GRM7: variants seen among roughly 807,000 people sequenced by gnomAD.
The protein encoded by GRM7 is metabotropic glutamate receptor 7.
GRM7 carries 35 observed loss-of-function variants against 84.5 expected under a neutral mutation model. That is an observed-to-expected ratio of 0.41 (90% CI 0.32 to 0.55). The LOEUF is 0.55. Among genes scored for constraint, GRM7 ranks in the 20% least tolerant of loss-of-function variants. The pLI, the probability that GRM7 is intolerant of heterozygous loss-of-function variation, is 0.19. For missense variants in GRM7, 1,003 were observed against 1,194.6 expected (o/e 0.84, Z 2.36); for synonymous variants, 487 against 455.1 (o/e 1.07, Z -0.89).
chr3:7,670,740 T>A (rs1699887404), intron 8 of GRM7, among the ~76,000 whole-genome samples: 1 of 151,970 alleles, frequency 6.6e-6, no homozygotes, highest in Non-Finnish European at 1.5e-5. Context: ...AACTACTGGG[T>A]GACTTGTAAA....
chr3:6,877,508 A>T (rs1260627030), intron 1 of GRM7, among the ~76,000 whole-genome samples: 1 of 152,166 alleles, frequency 6.6e-6, no homozygotes, highest in Non-Finnish European at 1.5e-5. Context: ...CTGCTTTTAC[A>T]TGCCAAGCAA....
intron 2 of GRM7, among the ~76,000 whole-genome samples, chr3:7,215,153 G>A (rs532567082): frequency 2.1e-4 from 32 of 152,248 alleles, no homozygotes; most frequent in African/African-American, 7.0e-4. Context: ...TTCCCTAAAC[G>A]TTATCCCCTG....
At chr3:7,109,949 G>A (rs1370006311) in intron 1 of GRM7, among the ~76,000 whole-genome samples, 1 of 151,466 alleles carries the variant, frequency 6.6e-6, no homozygotes, top group Non-Finnish European at 1.5e-5. Flanking sequence ...AATTAAATAT[G>A]TTTAGCTTCC....
rs145972446 is a variant in GRM7 at position 7,593,378 on chromosome 3, A to T, written c.2451+14021A>T. Among the ~76,000 whole-genome samples, 440 of 152,308 alleles carry T rather than the reference A, an allele frequency of 2.9e-3. 13 individuals carry two copies. Among genetic ancestry groups the T allele is most frequent in the Non-Finnish European group, 6.8e-4 (46 of 68,040 alleles). ...GCCACCATGTGCCAGGTACATATTT[A>T]GGTGCCAGGGATGGAAAGGGGAACA... On this transcript the variant is annotated intron_variant, in intron 8 of 9. Coordinates refer to ENST00000357716, the MANE Select transcript of GRM7 (RefSeq NM_000844.4).
intron 4 of GRM7, among the ~76,000 whole-genome samples, chr3:7,362,629 C>T (rs1316872728): frequency 1.3e-5 from 2 of 152,018 alleles, no homozygotes; most frequent in African/African-American, 4.8e-5. Flanking sequence ...AACAACTGCT[C>T]TTTAGCTGTA....
chr3:6,883,246 T>C (rs571841572), intron 1 of GRM7, among the ~76,000 whole-genome samples: 98 of 152,262 alleles, frequency 6.4e-4, no homozygotes, highest in African/African-American at 1.7e-3. Flanking sequence ...TTTATTCACA[T>C]TGATTTACAA....
At position 7,126,468 on chromosome 3, in the gene GRM7, G is replaced by A. The variant is rs79004438; in HGVS notation, c.520-19984G>A. ...AGTCACATATGACATATGAAACCCC[G>A]AAGGTTTGTCAACTTCCATGGGAGT... On this transcript the variant is annotated intron_variant, in intron 1 of 9. Coordinates refer to ENST00000357716, the MANE Select transcript of GRM7 (RefSeq NM_000844.4). Among the ~76,000 whole-genome samples, 92 of 152,232 alleles carry A rather than the reference G, an allele frequency of 6.0e-4. No homozygotes were observed. In the East Asian group the frequency reaches 0.017, roughly 28 times the overall value.
chr3:6,890,306 T>G (rs1039760883), intron 1 of GRM7, among the ~76,000 whole-genome samples: 8 of 152,206 alleles, frequency 5.3e-5, no homozygotes, highest in Non-Finnish European at 1.2e-4. Flanking sequence ...CTTTTCTAGT[T>G]CTTGTAATTG....
At chr3:7,316,637 T>C (rs1700592468) in intron 4 of GRM7, among the ~76,000 whole-genome samples, 1 of 152,148 alleles carries the variant, frequency 6.6e-6, no homozygotes, top group Non-Finnish European at 1.5e-5. Flanking sequence ...TCAGCTGAGA[T>C]GGAGAATACT....
chr3:7,633,972 A>C (rs1697963698), intron 8 of GRM7, among the ~76,000 whole-genome samples: 1 of 152,218 alleles, frequency 6.6e-6, no homozygotes, highest in African/African-American at 2.4e-5. Flanking sequence ...CTTGTGTGTT[A>C]TGCTTTCCTT....
intron 8 of GRM7, among the ~76,000 whole-genome samples, chr3:7,674,629 C>T (rs1049685736): frequency 1.3e-5 from 2 of 152,200 alleles, no homozygotes; most frequent in African/African-American, 4.8e-5. Flanking sequence ...AAATGGCTCT[C>T]TTAGCAATTT....
At chr3:7,050,741 G>T (rs1035651459) in intron 1 of GRM7, among the ~76,000 whole-genome samples, 3 of 151,842 alleles carry the variant, frequency 2.0e-5, no homozygotes, top group African/African-American at 7.2e-5. Flanking sequence ...ATTGAATGCT[G>T]TTGTTTCATA....
At chr3:7,562,322 G>GAAAGTTGATGCTAGAATCCCAACCA in intron 7 of GRM7, among the ~76,000 whole-genome samples, 2 of 151,320 alleles carry the variant, frequency 1.3e-5, no homozygotes, top group South Asian at 2.1e-4. Flanking sequence ...AAACCCAAGT[G>GAAAGTTGATGCTAGAATCCCAACCA]AAGTAATAGT....
At chr3:7,496,984 T>C (rs1279964573) in intron 7 of GRM7, among the ~76,000 whole-genome samples, 1 of 151,890 alleles carries the variant, frequency 6.6e-6, no homozygotes, top group Non-Finnish European at 1.5e-5. Flanking sequence ...ATAGGGTTAA[T>C]ACTAATACAT....
chr3:7,139,926 GATA>G (rs1693894126), intron 1 of GRM7, among the ~76,000 whole-genome samples: 1 of 151,970 alleles, frequency 6.6e-6, no homozygotes, highest in Admixed American at 6.6e-5. Flanking sequence ...CTGATAAGGA[GATA>G]ATATCCAAAA....
At chr3:7,030,258 G>T (rs1038401513) in intron 1 of GRM7, among the ~76,000 whole-genome samples, 3 of 152,226 alleles carry the variant, frequency 2.0e-5, no homozygotes, top group African/African-American at 7.2e-5. Flanking sequence ...TGTAGTGACA[G>T]AAAGCAGTTC....
chr3:7,068,285 A>G (rs1315687562), intron 1 of GRM7, among the ~76,000 whole-genome samples: 3 of 152,044 alleles, frequency 2.0e-5, no homozygotes, highest in Non-Finnish European at 4.4e-5. Context: ...AGTACAATGC[A>G]TACTTCTATG....
At chr3:7,700,951 A>T (rs59222337) in intron 9 of GRM7, among the ~76,000 whole-genome samples, 1,615 of 152,328 alleles carry the variant, frequency 0.011, 23 homozygotes, top group African/African-American at 0.035. Flanking sequence ...TCTTCAAGAC[A>T]GTTGTTAACA....
At chr3:7,231,252 C>A (rs1461153811) in intron 2 of GRM7, among the ~76,000 whole-genome samples, 1 of 152,074 alleles carries the variant, frequency 6.6e-6, no homozygotes, top group Non-Finnish European at 1.5e-5. Flanking sequence ...GTACATAGAA[C>A]CCAACCAAAG....
Sources: gnomAD v4.1 joint callset for allele counts (sites outside exome capture counted in the v4.1 genomes callset) on GRCh38, gnomAD v4.1.1 for gene constraint, MANE v1.5 for transcripts, NCBI Gene and HGNC (gene_info 2026-07-23, HGNC 2026-07-21) for gene names.